FBXL20: variants seen among roughly 807,000 people sequenced by gnomAD.
FBXL20 encodes F-box and leucine rich repeat protein 20, also known as F-box/LRR-repeat protein 20.
A neutral mutation model predicts 64.0 loss-of-function variants in FBXL20; 11 were observed. The ratio of observed to expected loss-of-function variants is 0.17; its 90% confidence interval spans 0.11 to 0.28. The LOEUF (loss-of-function observed/expected upper bound fraction) is 0.28, where lower values mean the gene tolerates loss of function less well. Ranked by LOEUF, FBXL20 falls within the 10% of genes least tolerant of loss-of-function variation. The pLI, the probability that FBXL20 is intolerant of heterozygous loss-of-function variation, is 1.00. For synonymous variants in FBXL20, 184 were observed against 189.0 expected (o/e 0.97, Z 0.22); for missense variants, 303 against 526.2 (o/e 0.58, Z 4.15).
At chr17:39,310,267 T>C (rs538800819) in intron 2 of FBXL20, among the ~76,000 whole-genome samples, 1 of 152,050 alleles carries the variant, frequency 6.6e-6, no homozygotes, top group East Asian at 1.9e-4. Flanking sequence ...GGAGTCTGCA[T>C]AGAACCAGTT....
chr17:39,336,848 A>T (rs1303092861), intron 2 of FBXL20, among the ~76,000 whole-genome samples: 1 of 151,886 alleles, frequency 6.6e-6, no homozygotes, highest in Non-Finnish European at 1.5e-5. Context: ...AAAGAAAAAG[A>T]AAGTAGAAAG....
intron 1 of FBXL20, among the ~76,000 whole-genome samples, chr17:39,349,659 A>C (rs946222678): frequency 2.0e-5 from 3 of 152,116 alleles, no homozygotes; most frequent in Admixed American, 2.0e-4. Flanking sequence ...AGTCAAGGCC[A>C]GGCGTAGTGG....
chr17:39,386,580 C>T (rs1259643697), intron 1 of FBXL20, among the ~76,000 whole-genome samples: 1 of 152,062 alleles, frequency 6.6e-6, no homozygotes, highest in Non-Finnish European at 1.5e-5. Context: ...GCTGAGATCA[C>T]GTCACTGTAC....
intron 13 of FBXL20, among the ~76,000 whole-genome samples, chr17:39,264,765 C>T (rs1368245853): frequency 6.6e-6 from 1 of 152,288 alleles, no homozygotes; most frequent in Middle Eastern, 3.4e-3. Context: ...TATTGAATAT[C>T]TGGTTCAGAG....
intron 1 of FBXL20, among the ~76,000 whole-genome samples, chr17:39,349,547 C>G (rs1270140987): frequency 6.6e-6 from 1 of 151,632 alleles, no homozygotes; most frequent in African/African-American, 2.4e-5. Flanking sequence ...GTGTTTACAC[C>G]ACTGTACTCC....
intron 1 of FBXL20, among the ~76,000 whole-genome samples, chr17:39,388,216 G>A (rs1490400263): frequency 1.3e-5 from 2 of 152,008 alleles, no homozygotes. Context: ...CAGCACTTTG[G>A]GAGACCAAGG....
chr17:39,294,816 A>G (rs191073095), intron 6 of FBXL20, among the ~76,000 whole-genome samples: 12 of 152,304 alleles, frequency 7.9e-5, no homozygotes, highest in Non-Finnish European at 1.5e-4. Flanking sequence ...GATCCTGACC[A>G]GCCTGGCCAA....
intron 2 of FBXL20, among the ~76,000 whole-genome samples, chr17:39,306,605 A>G (rs1187808682): frequency 2.0e-5 from 3 of 152,122 alleles, no homozygotes; most frequent in African/African-American, 7.2e-5. Flanking sequence ...ATTCTATTCC[A>G]TTGGTCTATG....
chr17:39,351,073 G>T (rs894329737), intron 1 of FBXL20, among the ~76,000 whole-genome samples: 1 of 152,004 alleles, frequency 6.6e-6, no homozygotes, highest in Non-Finnish European at 1.5e-5. Flanking sequence ...AGTGGCTCAC[G>T]CCTGTAATCC....
intron 1 of FBXL20, among the ~76,000 whole-genome samples, chr17:39,399,709 T>A (rs575797398): frequency 6.6e-6 from 1 of 152,206 alleles, no homozygotes; most frequent in Non-Finnish European, 1.5e-5. Flanking sequence ...AACCTCTTAA[T>A]ACAGCAACAA....
chr17:39,316,576 C>A (rs187290845), intron 2 of FBXL20, among the ~76,000 whole-genome samples: 1 of 152,250 alleles, frequency 6.6e-6, no homozygotes, highest in African/African-American at 2.4e-5. Context: ...CTTCCACTGG[C>A]CAAATCTGGG....
intron 2 of FBXL20, among the ~76,000 whole-genome samples, chr17:39,326,071 C>T (rs1007540347): frequency 2.6e-5 from 4 of 152,024 alleles, no homozygotes; most frequent in African/African-American, 9.7e-5. Context: ...TGGGACTTCC[C>T]TCTTTTCTCT....
At position 39,370,553 on chromosome 17, in the gene FBXL20, G is replaced by A. The variant is rs368520502; in HGVS notation, c.43-27312C>T. On this transcript the variant is annotated intron_variant, in intron 1 of 14. Transcript: ENST00000264658. ...TGTAATCCCAGCACTTTGGGAGGCC[G>A]AGGCGGGCGGATCACAAGGTCAGGA... Among the ~76,000 whole-genome samples the A allele has an allele frequency of 1.1e-3, 166 of 151,550 alleles. 1 individual carries two copies. The highest frequency in any genetic ancestry group is 2.9e-3 in the African/African-American group (119 of 41,338).
chr17:39,386,175 T>A (rs1049561098), intron 1 of FBXL20, among the ~76,000 whole-genome samples: 18 of 148,368 alleles, frequency 1.2e-4, no homozygotes, highest in African/African-American at 4.5e-4. Context: ...AACCCGGTGG[T>A]ACGTGCCTGT....
intron 11 of FBXL20, among the ~76,000 whole-genome samples, chr17:39,270,083 C>T (rs2046829957): frequency 6.6e-6 from 1 of 152,208 alleles, no homozygotes; most frequent in African/African-American, 2.4e-5. Context: ...TATTAAAATA[C>T]TCAGGAGAAT....
intron 1 of FBXL20, among the ~76,000 whole-genome samples, chr17:39,371,031 C>A (rs983527529): frequency 2.0e-5 from 3 of 151,878 alleles, no homozygotes; most frequent in African/African-American, 7.3e-5. Flanking sequence ...CCAGCCTGAC[C>A]ACCATGGAGA....
intron 1 of FBXL20, among the ~76,000 whole-genome samples, chr17:39,379,976 T>A (rs1259933487): frequency 2.6e-5 from 4 of 152,012 alleles, no homozygotes; most frequent in Admixed American, 2.0e-4. Context: ...TGAGACCCTG[T>A]CTCAACAAAG....
chr17:39,382,146 T>G (rs1196858190), intron 1 of FBXL20, among the ~76,000 whole-genome samples: 1 of 128,868 alleles, frequency 7.8e-6, no homozygotes, highest in African/African-American at 2.9e-5. Context: ...TATTGTATTA[T>G]AAATTAAAAA....
intron 2 of FBXL20, among the ~76,000 whole-genome samples, chr17:39,340,069 G>A (rs2047567407): frequency 6.6e-6 from 1 of 152,098 alleles, no homozygotes; most frequent in Non-Finnish European, 1.5e-5. Flanking sequence ...TAGCTGGGAT[G>A]CCCGCTGCCA....
Sources: allele counts gnomAD v4.1 joint callset (sites outside exome capture counted in the v4.1 genomes callset), GRCh38; gene constraint gnomAD v4.1.1; transcripts MANE v1.5; gene names NCBI Gene and HGNC (gene_info 2026-07-23, HGNC 2026-07-21).